Variants in NFATC2 observed in about 807,000 individuals in gnomAD.
NFATC2 encodes nuclear factor of activated T cells 2.
A neutral mutation model predicts 87.3 loss-of-function variants in NFATC2; 22 were observed. That is an observed-to-expected ratio of 0.25 (90% CI 0.18 to 0.36). The LOEUF is 0.36. NFATC2 is among the 10% of genes least tolerant of loss of function. The probability of loss-of-function intolerance (pLI) is 1.00; values close to 1 mark genes in which losing one functional copy is unlikely to be tolerated. For synonymous variants in NFATC2, 565 were observed against 542.2 expected (o/e 1.04, Z -0.58); for missense variants, 1,149 against 1,259.1 (o/e 0.91, Z 1.32).
rs1568667166 is a variant in NFATC2 at position 51,477,563 on chromosome 20, A to G, written c.1333-1903T>C. 5.8e-4 allele frequency among the ~76,000 whole-genome samples: 72 copies of G among 124,940 alleles called. 1 individual carries two copies. Among genetic ancestry groups the G allele is most frequent in the South Asian group, 7.7e-4 (3 of 3,906 alleles). The allele number at this position is 124,940 out of a possible 152,430, so 82.0% of individuals were successfully genotyped here. A position where few individuals can be genotyped will look rare whatever the true frequency, so the allele number is the denominator to read the frequency against. On this transcript the variant is annotated intron_variant, in intron 3 of 10. Coordinates refer to ENST00000371564, the MANE Select transcript of NFATC2 (RefSeq NM_012340.5). ...TATATATATATATATATATATATAT[A>G]TATATATATATATATATAAAATAAC...
At chr20:51,461,556 G>C (rs1472058119) in intron 5 of NFATC2, among the ~76,000 whole-genome samples, 2 of 152,188 alleles carry the variant, frequency 1.3e-5, no homozygotes, top group African/African-American at 4.8e-5. Flanking sequence ...GACGCTGTTG[G>C]TTTAACCAGT....
chr20:51,540,756 T>C (rs2076804054), intron 1 of NFATC2, among the ~76,000 whole-genome samples: 1 of 146,536 alleles, frequency 6.8e-6, no homozygotes, highest in South Asian at 2.2e-4. Flanking sequence ...AGAAAAACCA[T>C]AAAAAGTACC....
chr20:51,491,004 G>A (rs146119422), intron 3 of NFATC2, among the ~76,000 whole-genome samples: 1 of 152,098 alleles, frequency 6.6e-6, no homozygotes, highest in Non-Finnish European at 1.5e-5. Flanking sequence ...AAACCACCCA[G>A]GTCAGTGCCC....
chr20:51,413,694 C>T (rs998874243), intron 9 of NFATC2, among the ~76,000 whole-genome samples: 2 of 152,180 alleles, frequency 1.3e-5, no homozygotes, highest in Non-Finnish European at 2.9e-5. Context: ...GAGTTCAAGG[C>T]TGCAGTGAGC....
intron 1 of NFATC2, among the ~76,000 whole-genome samples, chr20:51,540,663 T>TTTTTTTTTTGTTTGTTTG (rs1555818354): frequency 7.4e-6 from 1 of 135,692 alleles, no homozygotes; most frequent in African/African-American, 2.8e-5. Flanking sequence ...TTTTTGTTTT[T>TTTTTTTTTTGTTTGTTTG]TTTTTTTTGA....
intron 9 of NFATC2, among the ~76,000 whole-genome samples, chr20:51,424,664 C>G (rs933505149): frequency 6.6e-6 from 1 of 152,146 alleles, no homozygotes; most frequent in Non-Finnish European, 1.5e-5. Context: ...ACCAACCATC[C>G]AATTCCTGAG....
intron 10 of NFATC2, 27 bp from the exon 11 acceptor site, chr20:51,391,478 G>GC: frequency 6.5e-7 from 1 of 1,526,934 alleles, no homozygotes; most frequent in Non-Finnish European, 9.0e-7. Flanking sequence ...GAGGGGGGGG[G>GC]AGAGAGAATG....
chr20:51,415,938 G>A (rs1405515263), intron 9 of NFATC2, among the ~76,000 whole-genome samples: 3 of 152,064 alleles, frequency 2.0e-5, no homozygotes, highest in Non-Finnish European at 1.5e-5. Context: ...GGAAGTCCAG[G>A]GAAAAAGAAA....
At chr20:51,434,716 C>T (rs1019496715) in intron 8 of NFATC2, among the ~76,000 whole-genome samples, 3 of 152,138 alleles carry the variant, frequency 2.0e-5, no homozygotes, top group South Asian at 2.1e-4. Flanking sequence ...TGGGGCTGTA[C>T]TTTGTGGGAA....
At chr20:51,435,596 G>A in intron 7 of NFATC2, 110 bp downstream of exon 7, 3 of 1,216,620 alleles carry the variant, frequency 2.5e-6, no homozygotes, top group Non-Finnish European at 3.5e-6. Flanking sequence ...TACCTGTTAG[G>A]TCCAGAGCTC....
At chr20:51,398,455 A>G (rs1600652657) in intron 10 of NFATC2, among the ~76,000 whole-genome samples, 188 bp downstream of exon 10, 1 of 152,262 alleles carries the variant, frequency 6.6e-6, no homozygotes, top group South Asian at 2.1e-4. Context: ...CAACCCTGAG[A>G]TTCTCAGGGA....
chr20:51,471,331 C>T (rs1239653716), intron 5 of NFATC2, among the ~76,000 whole-genome samples: 2 of 152,188 alleles, frequency 1.3e-5, no homozygotes, highest in African/African-American at 4.8e-5. Context: ...CCCCAAATCG[C>T]TGCAAGTTTC....
intron 5 of NFATC2, among the ~76,000 whole-genome samples, chr20:51,467,843 G>A (rs934637448): frequency 6.6e-6 from 1 of 152,168 alleles, no homozygotes; most frequent in Non-Finnish European, 1.5e-5. Flanking sequence ...GAAAGCATTT[G>A]CTCACAGAAG....
At chr20:51,539,390 ACT>A in intron 1 of NFATC2, among the ~76,000 whole-genome samples, 1 of 152,176 alleles carries the variant, frequency 6.6e-6, no homozygotes, top group Non-Finnish European at 1.5e-5. Flanking sequence ...AAGAGAGGTG[ACT>A]GCTATTAACA....
At chr20:51,467,269 T>C (rs969622173) in intron 5 of NFATC2, among the ~76,000 whole-genome samples, 13 of 152,012 alleles carry the variant, frequency 8.6e-5, no homozygotes, top group African/African-American at 3.1e-4. Flanking sequence ...CCAAAGAAGA[T>C]ACATAGGCCA....
rs1161908517 is a variant in NFATC2, at chr20:51,396,038, G to GTATA, written c.*44+2601_*44+2604dup. Among the ~76,000 whole-genome samples, 58 of 21,202 alleles carry GTATA rather than the reference G, an allele frequency of 2.7e-3. 2 individuals are homozygous for GTATA. Among genetic ancestry groups the GTATA allele is most frequent in the South Asian group, 5.6e-3 (4 of 716 alleles). 13.9% of individuals were successfully genotyped at this position (21,202 alleles called of 152,430 possible). On this transcript the variant is annotated intron_variant, in intron 10 of 10. Transcript: ENST00000371564. ...GCTGTAGTTTGTCAGCTCCTAGTAT[G>GTATA]TATATATATATATATATATATATAT...
chr20:51,549,295 G>A (rs2076914065), intron 1 of NFATC2, among the ~76,000 whole-genome samples: 1 of 151,970 alleles, frequency 6.6e-6, no homozygotes, highest in Non-Finnish European at 1.5e-5. Context: ...TGTTTGAGAT[G>A]GAGTTTTGCT....
chr20:51,545,315 C>T (rs1159096826), upstream of NFATC2, among the ~76,000 whole-genome samples: 1 of 152,212 alleles, frequency 6.6e-6, no homozygotes, highest in Non-Finnish European at 1.5e-5. Context: ...CATAACAGCA[C>T]CCCAGTGTGT....
Position 51,396,034 on chromosome 20 carries a change from GTATGTATATATA to G in NFATC2, c.*44+2597_*44+2608del, listed in dbSNP as rs1431714053. ...AAGAGCTGTAGTTTGTCAGCTCCTA[GTATGTATATATA>G]TATATATATATATATATATATATAT... On this transcript the variant is annotated intron_variant, in intron 10 of 10. Transcript: ENST00000371564. 5.1e-4 allele frequency among the ~76,000 whole-genome samples: 64 copies of G among 126,506 alleles called. 2 individuals carry two copies. The highest frequency in any genetic ancestry group is 4.3e-3 in the Middle Eastern group (1 of 232). 83.0% of individuals were successfully genotyped at this position (126,506 alleles called of 152,430 possible).
Sources: allele counts gnomAD v4.1 joint callset (sites outside exome capture counted in the v4.1 genomes callset), GRCh38; gene constraint gnomAD v4.1.1; transcripts MANE v1.5; gene names NCBI Gene and HGNC (gene_info 2026-07-23, HGNC 2026-07-21).